PDZRN3: variants seen among roughly 807,000 people sequenced by gnomAD.
PDZRN3 encodes E3 ubiquitin-protein ligase PDZRN3.
A neutral mutation model predicts 85.7 loss-of-function variants in PDZRN3; 38 were observed. The observed-to-expected ratio is 0.44, with a 90% CI of 0.34 to 0.58. PDZRN3 has a LOEUF of 0.58. PDZRN3 is among the 20% of genes least tolerant of loss of function. The probability of loss-of-function intolerance (pLI) is 0.01; values close to 1 mark genes in which losing one functional copy is unlikely to be tolerated. For synonymous variants in PDZRN3, 759 were observed against 638.0 expected (o/e 1.19, Z -2.86); for missense variants, 1,629 against 1,506.4 (o/e 1.08, Z -1.35).
intron 3 of PDZRN3, among the ~76,000 whole-genome samples, chr3:73,577,106 A>C (rs1702137461): frequency 6.6e-6 from 1 of 152,158 alleles, no homozygotes; most frequent in South Asian, 2.1e-4. Context: ...TAAGAGGTCA[A>C]TTTTCATTCA....
intron 3 of PDZRN3, among the ~76,000 whole-genome samples, chr3:73,503,645 A>C (rs952573782): frequency 1.3e-5 from 2 of 152,208 alleles, no homozygotes; most frequent in Non-Finnish European, 2.9e-5. Context: ...GTACTTTGCA[A>C]GGTCTTAAAT....
chr3:73,539,625 A>G (rs888002093), intron 3 of PDZRN3, among the ~76,000 whole-genome samples: 1 of 152,136 alleles, frequency 6.6e-6, no homozygotes, highest in Non-Finnish European at 1.5e-5. Flanking sequence ...ACCATTGTCC[A>G]GCACCAACTG....
intron 3 of PDZRN3, among the ~76,000 whole-genome samples, chr3:73,496,134 G>A (rs1284086046): frequency 6.6e-6 from 1 of 151,234 alleles, no homozygotes; most frequent in Non-Finnish European, 1.5e-5. Flanking sequence ...TATTTTTAAA[G>A]TGAAATGTAT....
intron 3 of PDZRN3, among the ~76,000 whole-genome samples, chr3:73,412,744 T>C (rs1382745801): frequency 6.6e-6 from 1 of 152,230 alleles, no homozygotes; most frequent in Non-Finnish European, 1.5e-5. Context: ...TGGAATTAAT[T>C]AGGCTCTGCA....
chr3:73,474,359 T>C, intron 3 of PDZRN3: 1 of 663,386 alleles, frequency 1.5e-6, no homozygotes, highest in South Asian at 2.0e-5. Context: ...GCAGTATTTC[T>C]AAAGCAAACT....
chr3:73,398,959 TAGTC>T (rs1701695269), intron 5 of PDZRN3, among the ~76,000 whole-genome samples: 1 of 152,158 alleles, frequency 6.6e-6, no homozygotes, highest in Non-Finnish European at 1.5e-5. Flanking sequence ...GTTCTGGTGA[TAGTC>T]AGGTATAAGG....
At chr3:73,614,828 A>T (rs958311329) in intron 1 of PDZRN3, among the ~76,000 whole-genome samples, 1 of 152,172 alleles carries the variant, frequency 6.6e-6, no homozygotes, top group Non-Finnish European at 1.5e-5. Context: ...TTTGTAGTTA[A>T]AACTTTAAAA....
chr3:73,443,479 CTTTT>C (rs768320565), intron 3 of PDZRN3, among the ~76,000 whole-genome samples: 652 of 48,132 alleles, frequency 0.014, 7 homozygotes, highest in Non-Finnish European at 0.024. Context: ...TTTCCTTTTT[CTTTT>C]TTTTTTTTTT....
At chr3:73,472,679 G>A (rs1703368660) in intron 3 of PDZRN3, among the ~76,000 whole-genome samples, 1 of 152,172 alleles carries the variant, frequency 6.6e-6, no homozygotes, top group Admixed American at 6.5e-5. Context: ...ATTTAGGAAT[G>A]ATTAAATTGA....
chr3:73,522,776 AT>A (rs1336292784), intron 3 of PDZRN3, among the ~76,000 whole-genome samples: 2 of 152,204 alleles, frequency 1.3e-5, no homozygotes, highest in Non-Finnish European at 2.9e-5. Flanking sequence ...AATTCTCATT[AT>A]TTAGAGATGA....
At chr3:73,618,620 C>T (rs555324291) in intron 1 of PDZRN3, among the ~76,000 whole-genome samples, 9 of 152,340 alleles carry the variant, frequency 5.9e-5, no homozygotes, top group South Asian at 2.1e-4. Context: ...CCTTGGTCTA[C>T]GGTCCAATGC....
intron 3 of PDZRN3, among the ~76,000 whole-genome samples, chr3:73,516,185 G>A (rs1281628692): frequency 6.6e-6 from 1 of 151,984 alleles, no homozygotes; most frequent in Non-Finnish European, 1.5e-5. Context: ...GCATTCTTGT[G>A]TGCATGTATG....
At chr3:73,495,157 ACAAT>A (rs1282908958) in intron 3 of PDZRN3, among the ~76,000 whole-genome samples, 3 of 152,248 alleles carry the variant, frequency 2.0e-5, no homozygotes, top group Admixed American at 6.5e-5. Flanking sequence ...ACAAAATGTA[ACAAT>A]CACTTTACCC....
intron 3 of PDZRN3, among the ~76,000 whole-genome samples, chr3:73,527,585 A>G (rs912199409): frequency 1.3e-5 from 2 of 151,640 alleles, no homozygotes; most frequent in African/African-American, 4.8e-5. Flanking sequence ...AATCTAGGAC[A>G]TGAAAAAAAA....
At chr3:73,528,914 A>ACACACG (rs1559723780) in intron 3 of PDZRN3, among the ~76,000 whole-genome samples, 5 of 151,170 alleles carry the variant, frequency 3.3e-5, no homozygotes, top group Non-Finnish European at 7.4e-5. Flanking sequence ...ACACACACAC[A>ACACACG]CACGCACATG....
chr3:73,471,291 A>C (rs1386202935), intron 3 of PDZRN3, among the ~76,000 whole-genome samples: 1 of 152,040 alleles, frequency 6.6e-6, no homozygotes, highest in African/African-American at 2.4e-5. Context: ...AGGAAGAAGC[A>C]AAAAAAGGTC....
chr3:73,531,947 C>A (rs1196880331), intron 3 of PDZRN3, among the ~76,000 whole-genome samples: 1 of 152,212 alleles, frequency 6.6e-6, no homozygotes, highest in East Asian at 1.9e-4. Context: ...TAAAATAATG[C>A]CAAAACTCCA....
chr3:73,620,581 G>GT (rs10650658), intron 1 of PDZRN3, among the ~76,000 whole-genome samples: 8,640 of 139,682 alleles, frequency 0.062, 334 homozygotes, highest in African/African-American at 0.094. Context: ...GGTTTTTTTT[G>GT]TTTTTTTTTT....
chr3:73,515,145 G>C (rs940339574), intron 3 of PDZRN3, among the ~76,000 whole-genome samples: 2 of 149,136 alleles, frequency 1.3e-5, no homozygotes, highest in Non-Finnish European at 1.5e-5. Flanking sequence ...AATTGGGTGA[G>C]AGCCTCCTTT....
Sources: allele counts gnomAD v4.1 joint callset (sites outside exome capture counted in the v4.1 genomes callset), GRCh38; gene constraint gnomAD v4.1.1; transcripts MANE v1.5; gene names NCBI Gene and HGNC (gene_info 2026-07-23, HGNC 2026-07-21).